ZC3H12B: variants seen among roughly 807,000 people sequenced by gnomAD.
The protein encoded by ZC3H12B is zinc finger CCCH-type containing 12B.
A neutral mutation model predicts 43.9 loss-of-function variants in ZC3H12B; 7 were observed. The observed-to-expected ratio is 0.16, with a 90% CI of 0.09 to 0.30. The LOEUF (loss-of-function observed/expected upper bound fraction) is 0.30, where lower values mean the gene tolerates loss of function less well. ZC3H12B is among the 10% of genes least tolerant of loss of function. The probability of loss-of-function intolerance (pLI) is 1.00; values close to 1 mark genes in which losing one functional copy is unlikely to be tolerated. For synonymous variants in ZC3H12B, 222 were observed against 241.7 expected (o/e 0.92, Z 0.76); for missense variants, 475 against 670.2 (o/e 0.71, Z 3.22).
intron 3 of ZC3H12B, among the ~76,000 whole-genome samples, chrX:65,429,191 TG>T (rs1178381232): frequency 8.9e-6 from 1 of 112,347 alleles, no homozygotes; most frequent in African/African-American, 3.2e-5. Context: ...TAGGAGTGGT[TG>T]AAAACCTCTG....
chrX:65,278,342 T>A, the ZC3H12B span, among the ~76,000 whole-genome samples: 2 of 111,240 alleles, frequency 1.8e-5, no homozygotes, highest in Non-Finnish European at 3.8e-5. Flanking sequence ...AGTTACCCTA[T>A]ATGGTCTAAA....
the ZC3H12B span, among the ~76,000 whole-genome samples, chrX:65,067,709 A>T: frequency 3.6e-5 from 4 of 109,733 alleles, no homozygotes; most frequent in South Asian, 3.8e-4. Flanking sequence ...TGTTTCATTG[A>T]TCTTTTTTTT....
At chrX:65,296,369 C>T in the ZC3H12B span, among the ~76,000 whole-genome samples, 1 of 110,434 alleles carries the variant, frequency 9.1e-6, no homozygotes, top group Admixed American at 9.7e-5. Flanking sequence ...CAGAGACTGG[C>T]GAGGGATAAA....
chrX:65,103,243 T>G, the ZC3H12B span, among the ~76,000 whole-genome samples: 1 of 111,662 alleles, frequency 9.0e-6, no homozygotes, highest in African/African-American at 3.3e-5. Context: ...ATTCTCTTTC[T>G]CAGGGCTGTT....
the ZC3H12B span, among the ~76,000 whole-genome samples, chrX:65,111,558 T>TA: frequency 0.17 from 16,792 of 99,150 alleles, 3,084 homozygotes; most frequent in African/African-American, 0.68. Context: ...TTTTTATTAT[T>TA]TTTTTTTTTA....
the ZC3H12B span, among the ~76,000 whole-genome samples, chrX:65,343,574 G>T: frequency 8.9e-6 from 1 of 111,781 alleles, no homozygotes; most frequent in Non-Finnish European, 1.9e-5. Flanking sequence ...AAAGACAAAA[G>T]CCACATGACT....
rs138731071 is a variant in ZC3H12B, at chrX:65,380,407, T to G, written n.295+11409T>G. On this transcript the variant is annotated intron_variant and non_coding_transcript_variant, in intron 2 of 5. Coordinates refer to the ZC3H12B transcript ENST00000617377. ...AAATACTTTACAGACAAGCAAATGCTGAGATATGTTCTCACCACCAGGCCC... is the reference window on the plus strand; with the variant it reads ...AAATACTTTACAGACAAGCAAATGCGGAGATATGTTCTCACCACCAGGCCC... Among the ~76,000 whole-genome samples the G allele has an allele frequency of 6.8e-3, 755 of 111,284 alleles. 10 individuals carry two copies. The highest frequency in any genetic ancestry group is 0.023 in the African/African-American group (711 of 30,586).
chrX:65,133,438 A>G, the ZC3H12B span, among the ~76,000 whole-genome samples: 6 of 110,330 alleles, frequency 5.4e-5, no homozygotes, highest in African/African-American at 2.0e-4. Flanking sequence ...GGTTGTTGCC[A>G]AATGGGCCAT....
At chrX:65,434,009 G>A (rs1339647359) in intron 3 of ZC3H12B, among the ~76,000 whole-genome samples, 2 of 111,816 alleles carry the variant, frequency 1.8e-5, no homozygotes, top group Non-Finnish European at 3.8e-5. Context: ...CATGATCGAT[G>A]CCATAGATCC....
chrX:65,364,779 A>G (rs1300188245), upstream of ZC3H12B, among the ~76,000 whole-genome samples: 1 of 111,574 alleles, frequency 9.0e-6, no homozygotes, highest in Non-Finnish European at 1.9e-5. Flanking sequence ...TCAGTATTTC[A>G]TCTGCTATTC....
At chrX:65,236,607 A>C in the ZC3H12B span, among the ~76,000 whole-genome samples, 25,714 of 110,927 alleles carry the variant, frequency 0.23, 7,155 homozygotes, top group African/African-American at 0.8. Context: ...GCATTTTTAT[A>C]ATGAAATCTT....
the ZC3H12B span, among the ~76,000 whole-genome samples, chrX:65,310,529 C>A: frequency 8.9e-6 from 1 of 112,106 alleles, no homozygotes; most frequent in Non-Finnish European, 1.9e-5. Flanking sequence ...ATTCTATGCT[C>A]ATGGATAAGA....
chrX:65,323,864 T>C, the ZC3H12B span, among the ~76,000 whole-genome samples: 6 of 112,215 alleles, frequency 5.3e-5, no homozygotes, highest in African/African-American at 9.7e-5. Context: ...TGTTGTTTCC[T>C]GACTTTTTAA....
chrX:65,324,492 T>C, the ZC3H12B span, among the ~76,000 whole-genome samples: 3 of 111,890 alleles, frequency 2.7e-5, no homozygotes, highest in South Asian at 7.4e-4. Flanking sequence ...ATAAGTTTGG[T>C]ATAATATGTT....
the ZC3H12B span, among the ~76,000 whole-genome samples, chrX:65,264,209 T>C: frequency 9.0e-6 from 1 of 111,358 alleles, no homozygotes; most frequent in Non-Finnish European, 1.9e-5. Context: ...TTTGGTACAA[T>C]GTCCACTACT....
the ZC3H12B span, among the ~76,000 whole-genome samples, chrX:65,145,046 T>C: frequency 4.5e-5 from 5 of 111,662 alleles, no homozygotes; most frequent in African/African-American, 1.6e-4. Context: ...CTTGATGACC[T>C]CTCTAGTGCT....
chrX:65,192,514 G>T, the ZC3H12B span, among the ~76,000 whole-genome samples: 1 of 110,826 alleles, frequency 9.0e-6, no homozygotes, highest in Non-Finnish European at 1.9e-5. Context: ...TTTTATTGAG[G>T]TATGTTTATT....
At chrX:65,413,615 C>T (rs1402471956) in intron 3 of ZC3H12B, among the ~76,000 whole-genome samples, 1 of 112,229 alleles carries the variant, frequency 8.9e-6, no homozygotes, top group Non-Finnish European at 1.9e-5. Context: ...TTTCTGTACT[C>T]CCAATTCTGT....
chrX:65,373,182 C>G (rs1385196787), intron 2 of ZC3H12B, among the ~76,000 whole-genome samples: 1 of 112,075 alleles, frequency 8.9e-6, no homozygotes, highest in African/African-American at 3.2e-5. Flanking sequence ...TTTTGTAAAC[C>G]ACAATGAGAT....
Sources: gnomAD v4.1 joint callset for allele counts (sites outside exome capture counted in the v4.1 genomes callset) on GRCh38, gnomAD v4.1.1 for gene constraint, MANE v1.5 for transcripts, NCBI Gene and HGNC (gene_info 2026-07-23, HGNC 2026-07-21) for gene names.